Variants in PDE10A observed in about 807,000 individuals in gnomAD.
PDE10A encodes phosphodiesterase 10A.
PDE10A carries 39 observed loss-of-function variants against 97.7 expected under a neutral mutation model. The ratio of observed to expected loss-of-function variants is 0.40; its 90% CI spans 0.31 to 0.52. The LOEUF (loss-of-function observed/expected upper bound fraction) is 0.52. PDE10A is among the 20% of genes least tolerant of loss of function. The probability of loss-of-function intolerance (pLI) is 0.56; values close to 1 mark genes in which losing one functional copy is unlikely to be tolerated. For synonymous variants in PDE10A, 371 were observed against 376.8 expected (o/e 0.98, Z 0.18); for missense variants, 731 against 1,047.8 (o/e 0.70, Z 4.17).
At chr6:165,716,024 C>T (rs371074029) in intron 1 of PDE10A, among the ~76,000 whole-genome samples, 70 of 152,170 alleles carry the variant, frequency 4.6e-4, no homozygotes, top group African/African-American at 1.5e-3. Context: ...GCCCCTTACA[C>T]GTTGAGGATA....
chr6:165,769,166 C>G (rs1777939960), intron 1 of PDE10A, among the ~76,000 whole-genome samples: 1 of 152,206 alleles, frequency 6.6e-6, no homozygotes, highest in Non-Finnish European at 1.5e-5. Flanking sequence ...TAGTATGGTG[C>G]TGTCCAGAAC....
intron 5 of PDE10A, among the ~76,000 whole-genome samples, chr6:165,442,044 CT>C (rs1231953351): frequency 2.0e-5 from 3 of 151,822 alleles, no homozygotes; most frequent in Non-Finnish European, 4.4e-5. Flanking sequence ...ATATATATTT[CT>C]TTTTTGTCAG....
chr6:165,724,817 A>G (rs1405644958), intron 1 of PDE10A, among the ~76,000 whole-genome samples: 1 of 152,192 alleles, frequency 6.6e-6, no homozygotes, highest in Non-Finnish European at 1.5e-5. Context: ...ACTCCTGACC[A>G]TTTATGGCAG....
chr6:165,512,602 T>C (rs57239331), intron 2 of PDE10A, among the ~76,000 whole-genome samples: 2 of 151,982 alleles, frequency 1.3e-5, no homozygotes, highest in Non-Finnish European at 2.9e-5. Flanking sequence ...GGAGAGACAT[T>C]TGAATTGTTT....
intron 3 of PDE10A, among the ~76,000 whole-genome samples, chr6:165,476,162 A>C (rs1309050518): frequency 6.6e-6 from 1 of 152,166 alleles, no homozygotes; most frequent in Non-Finnish European, 1.5e-5. Context: ...TAAGACAAAA[A>C]GAAGAAAAAA....
At chr6:165,558,258 G>A (rs2128335621) in intron 1 of PDE10A, among the ~76,000 whole-genome samples, 1 of 152,296 alleles carries the variant, frequency 6.6e-6, no homozygotes, top group South Asian at 2.1e-4. Context: ...TATACACCAT[G>A]GAATACTATG....
intron 3 of PDE10A, among the ~76,000 whole-genome samples, chr6:165,460,710 T>G (rs934543237): frequency 1.3e-5 from 2 of 152,166 alleles, no homozygotes; most frequent in Non-Finnish European, 2.9e-5. Context: ...CCTGGGACTA[T>G]TCAACCAATT....
chr6:165,402,047 A>G (rs1786708226), intron 13 of PDE10A, among the ~76,000 whole-genome samples: 1 of 152,182 alleles, frequency 6.6e-6, no homozygotes, highest in South Asian at 2.1e-4. Flanking sequence ...TATACTAGGC[A>G]GTAAACTAAC....
At chr6:165,736,346 G>A (rs1792574275) in intron 1 of PDE10A, among the ~76,000 whole-genome samples, 2 of 152,168 alleles carry the variant, frequency 1.3e-5, no homozygotes, top group Non-Finnish European at 2.9e-5. Flanking sequence ...AGAAATATGT[G>A]CTTCTGTAGA....
chr6:165,423,596 G>T (rs186074633), intron 10 of PDE10A, among the ~76,000 whole-genome samples: 1 of 152,104 alleles, frequency 6.6e-6, no homozygotes, highest in African/African-American at 2.4e-5. Flanking sequence ...GGCCGGGCGC[G>T]GTGGCTGACG....
Position 165,343,506 on chromosome 6 carries a change from G to C in PDE10A, c.2784-4C>G. The C allele has an allele frequency of 6.3e-7, 1 of 1,595,784 alleles. No homozygotes were observed. The highest frequency in any genetic ancestry group is 1.1e-5 in the South Asian group (1 of 90,662). On this transcript the variant is annotated splice_region_variant and splice_polypyrimidine_tract_variant and intron_variant, in intron 18 of 21. Transcript: ENST00000539869. The stretch of plus-strand genomic sequence containing the variant: ...CATCAAACCAATTACACGGTCTCTA[G>C]AACACAACAATATAAGACTGGTCAG...
At chr6:165,861,599 T>G (rs1780906300) in intron 1 of PDE10A, among the ~76,000 whole-genome samples, 1 of 151,786 alleles carries the variant, frequency 6.6e-6, no homozygotes, top group Non-Finnish European at 1.5e-5. Context: ...CAGAGAATGG[T>G]GTGATCCAAC....
chr6:165,564,189 G>A (rs907076961), intron 1 of PDE10A, among the ~76,000 whole-genome samples: 4 of 152,030 alleles, frequency 2.6e-5, no homozygotes, highest in Non-Finnish European at 5.9e-5. Context: ...GATTTCCAAG[G>A]ACAGGTTTCC....
At chr6:165,840,750 A>G (rs1780237764) in intron 1 of PDE10A, among the ~76,000 whole-genome samples, 1 of 152,248 alleles carries the variant, frequency 6.6e-6, no homozygotes, top group African/African-American at 2.4e-5. Flanking sequence ...TCTACTTTTT[A>G]GTAAAAGATA....
At chr6:165,770,290 A>G (rs531610628) in intron 1 of PDE10A, among the ~76,000 whole-genome samples, 51 of 152,266 alleles carry the variant, frequency 3.3e-4, no homozygotes, top group Non-Finnish European at 6.5e-4. Context: ...GCAACTTAGG[A>G]ATTGTAGAAT....
At chr6:165,448,242 T>C (rs1471560416) in intron 5 of PDE10A, among the ~76,000 whole-genome samples, 1 of 152,226 alleles carries the variant, frequency 6.6e-6, no homozygotes, top group African/African-American at 2.4e-5. Context: ...GCTCAGATTA[T>C]GCTAAAATAT....
chr6:165,577,590 G>A (rs139423809), intron 1 of PDE10A, among the ~76,000 whole-genome samples: 5 of 152,262 alleles, frequency 3.3e-5, no homozygotes, highest in Admixed American at 2.6e-4. Flanking sequence ...CATGGTTCTG[G>A]AGTCCACCTG....
intron 1 of PDE10A, among the ~76,000 whole-genome samples, chr6:165,787,372 G>T (rs942222011): frequency 2.6e-5 from 4 of 152,154 alleles, no homozygotes; most frequent in African/African-American, 7.2e-5. Context: ...GTTACAGCCC[G>T]GGTGAGGGCC....
At chr6:165,404,472 T>C (rs150746654) in intron 13 of PDE10A, among the ~76,000 whole-genome samples, 1 of 152,220 alleles carries the variant, frequency 6.6e-6, no homozygotes, top group East Asian at 1.9e-4. Context: ...GCCTGAACCA[T>C]ATGTAGTTGT....
Sources: allele counts gnomAD v4.1 joint callset (sites outside exome capture counted in the v4.1 genomes callset), GRCh38; gene constraint gnomAD v4.1.1; transcripts MANE v1.5; gene names NCBI Gene and HGNC (gene_info 2026-07-23, HGNC 2026-07-21).